The following KHDRBS2 variants were observed in gnomAD, a reference collection of about 807,000 sequenced individuals.
KHDRBS2 encodes KH domain-containing, RNA-binding, signal transduction-associated protein 2.
KHDRBS2 carries 26 observed loss-of-function variants against 44.3 expected under a neutral mutation model. The observed-to-expected ratio is 0.59, with a 90% CI of 0.43 to 0.81. The LOEUF (loss-of-function observed/expected upper bound fraction) is 0.81. Among genes scored for constraint, KHDRBS2 ranks in the 40% least tolerant of loss-of-function variants. The pLI is 0.00. For missense variants in KHDRBS2, 476 were observed against 433.1 expected, an observed-to-expected ratio of 1.10 and a Z score of -0.88; for synonymous variants, 194 against 151.1, an observed-to-expected ratio of 1.28 and a Z score of -2.08.
intron 4 of KHDRBS2, among the ~76,000 whole-genome samples, chr6:61,944,577 A>C (rs945681098): frequency 6.6e-6 from 1 of 152,148 alleles, no homozygotes; most frequent in African/African-American, 2.4e-5. Flanking sequence ...ATGCGTTCTA[A>C]TATTTGATAG....
In KHDRBS2 at chr6:62,107,263, A is replaced by G. The variant is rs374032419; in HGVS notation, c.220-59269T>C. Among the ~76,000 whole-genome samples the G allele has an allele frequency of 5.3e-5, 8 of 152,340 alleles. No individual in the cohort carries two copies. The East Asian group carries it at 1.2e-3, about 22-fold the overall frequency. The stretch of plus-strand genomic sequence containing the variant: ...AGCAAAGTCTCAGGATACAAAATCA[A>G]TGTATGAAAATCACAAGCATTCTTA... On this transcript the variant is annotated intron_variant, in intron 2 of 8. Transcript: ENST00000281156.
At chr6:61,895,774 GA>G (rs34314255) in intron 5 of KHDRBS2, among the ~76,000 whole-genome samples, 3 of 152,104 alleles carry the variant, frequency 2.0e-5, no homozygotes, top group East Asian at 3.9e-4. Flanking sequence ...AAGCTTTGGG[GA>G]AAAAAATGAT....
rs1422056881 is a variant in KHDRBS2 at position 62,141,351 on chromosome 6, A to G, written c.219+35834T>C. Among the ~76,000 whole-genome samples, 4 of 152,182 alleles carry G rather than the reference A, an allele frequency of 2.6e-5. No homozygotes were observed. In the East Asian group the frequency reaches 7.7e-4, roughly 29 times the overall value. ...GAAAGTGATATAGAAAAATAATATA[A>G]GAGACCAAGGCTCTGGAGAAGTTCA... On this transcript the variant is annotated intron_variant, in intron 2 of 8. Coordinates refer to ENST00000281156, the MANE Select transcript of KHDRBS2 (RefSeq NM_152688.4).
At chr6:62,109,181 T>C (rs1163193049) in intron 2 of KHDRBS2, among the ~76,000 whole-genome samples, 1 of 151,464 alleles carries the variant, frequency 6.6e-6, no homozygotes, top group African/African-American at 2.4e-5. Context: ...TTGTTTACAA[T>C]TTGAAAAATA....
At chr6:61,939,751 A>G (rs1341716872) in intron 4 of KHDRBS2, among the ~76,000 whole-genome samples, 1 of 152,252 alleles carries the variant, frequency 6.6e-6, no homozygotes, top group Non-Finnish European at 1.5e-5. Flanking sequence ...AATGTGAATT[A>G]TAAAACTCTG....
chr6:62,235,551 C>T (rs558841330), intron 1 of KHDRBS2, among the ~76,000 whole-genome samples: 1 of 152,042 alleles, frequency 6.6e-6, no homozygotes, highest in South Asian at 2.1e-4. Flanking sequence ...GTACATTTAT[C>T]TTGTGCTTTC....
intron 2 of KHDRBS2, among the ~76,000 whole-genome samples, chr6:62,062,226 G>A (rs1278840937): frequency 6.7e-6 from 1 of 148,998 alleles, no homozygotes; most frequent in Non-Finnish European, 1.5e-5. Context: ...CAACGAGACA[G>A]AAAGTCAGCA....
At chr6:62,019,197 A>T (rs1053641071) in intron 3 of KHDRBS2, among the ~76,000 whole-genome samples, 2 of 152,042 alleles carry the variant, frequency 1.3e-5, no homozygotes, top group Non-Finnish European at 2.9e-5. Flanking sequence ...TACTAATAAA[A>T]TTCGTATTAG....
chr6:61,713,672 A>G (rs542193847), intron 7 of KHDRBS2, among the ~76,000 whole-genome samples: 2 of 151,194 alleles, frequency 1.3e-5, no homozygotes, highest in African/African-American at 4.8e-5. Context: ...AGCAAACAGC[A>G]TGGGACTTGT....
chr6:61,896,369 C>T (rs1288817652), intron 5 of KHDRBS2, among the ~76,000 whole-genome samples: 1 of 152,116 alleles, frequency 6.6e-6, no homozygotes, highest in Non-Finnish European at 1.5e-5. Context: ...TTATAACTAC[C>T]TAGGCTTAAG....
the KHDRBS2 span, among the ~76,000 whole-genome samples, chr6:61,617,035 T>A: frequency 6.6e-6 from 1 of 152,158 alleles, no homozygotes; most frequent in Non-Finnish European, 1.5e-5. Context: ...TAAAACTAAG[T>A]TCCAGTTGAG....
chr6:61,901,336 A>C lies in KHDRBS2; in HGVS notation c.519T>G (p.Arg173=). ...YNDEIRQEQL[R]ELSYLNGSED... is the part of the protein sequence containing the mutation. ...CTGAGCCATTTAAGTAAGATAATTC[A>C]CGTAGTTGTTCCTGACGAATTTCAT... Residue 173 remains arginine, a synonymous_variant, in exon 5 of 9, where the codon CGT becomes CGG. Transcript: ENST00000281156. The C allele has an allele frequency of 6.2e-7, 1 of 1,613,288 alleles. No homozygotes were observed. The highest frequency in any genetic ancestry group is 8.5e-7 in the Non-Finnish European group (1 of 1,179,460).
intron 2 of KHDRBS2, among the ~76,000 whole-genome samples, chr6:62,062,219 C>T (rs564594029): frequency 1.1e-3 from 165 of 149,058 alleles, no homozygotes; most frequent in African/African-American, 3.8e-3. Context: ...GACAGATCAA[C>T]GAGACAGAAA....
rs181307301 is a variant in KHDRBS2 at position 62,086,884 on chromosome 6, A to G, written c.220-38890T>C. On this transcript the variant is annotated intron_variant, in intron 2 of 8. Coordinates refer to ENST00000281156, the MANE Select transcript of KHDRBS2 (RefSeq NM_152688.4). ...TTGACAGGCAGGGATCCATTTCATC[A>G]TACTGAGCAAAAATTACCAAGAGTA... Among the ~76,000 whole-genome samples the G allele has an allele frequency of 1.2e-3, 189 of 152,074 alleles. 3 individuals are homozygous for G. Among genetic ancestry groups the G allele is most frequent in the Non-Finnish European group, 1.3e-4 (9 of 67,964 alleles).
intron 4 of KHDRBS2, among the ~76,000 whole-genome samples, chr6:61,965,094 T>C (rs566509811): frequency 6.6e-6 from 1 of 152,214 alleles, no homozygotes; most frequent in African/African-American, 2.4e-5. Context: ...TGATGTTGGC[T>C]TTCTAGGGCT....
At chr6:61,833,848 T>C (rs532433400) in intron 6 of KHDRBS2, among the ~76,000 whole-genome samples, 4 of 152,274 alleles carry the variant, frequency 2.6e-5, no homozygotes, top group East Asian at 1.9e-4. Flanking sequence ...TTAAAATTTG[T>C]TTAAAATTTA....
intron 4 of KHDRBS2, among the ~76,000 whole-genome samples, chr6:61,940,262 T>C (rs1460130145): frequency 6.6e-6 from 1 of 151,762 alleles, no homozygotes; most frequent in Non-Finnish European, 1.5e-5. Flanking sequence ...AAAGAATATA[T>C]TGCCCACATT....
At chr6:62,120,129 C>A in intron 2 of KHDRBS2, among the ~76,000 whole-genome samples, 1 of 151,968 alleles carries the variant, frequency 6.6e-6, no homozygotes, top group Non-Finnish European at 1.5e-5. Context: ...TGTTGCAACT[C>A]ATGGAGTTAA....
intron 2 of KHDRBS2, among the ~76,000 whole-genome samples, chr6:62,143,727 G>C (rs1339581323): frequency 6.6e-6 from 1 of 151,718 alleles, no homozygotes; most frequent in African/African-American, 2.4e-5. Flanking sequence ...GTTAGACTTA[G>C]AACAGATTGT....
Sources: gnomAD v4.1 joint callset for allele counts (sites outside exome capture counted in the v4.1 genomes callset) on GRCh38, gnomAD v4.1.1 for gene constraint, MANE v1.5 for transcripts, NCBI Gene and HGNC (gene_info 2026-07-23, HGNC 2026-07-21) for gene names.